The following CNNM2 variants were observed in gnomAD, a reference collection of about 807,000 sequenced individuals.
CNNM2 encodes the protein cyclin and CBS domain divalent metal cation transport mediator 2, also known as metal transporter CNNM2.
A neutral mutation model predicts 66.9 loss-of-function variants in CNNM2; 12 were observed. The observed-to-expected ratio is 0.18, with a 90% CI of 0.11 to 0.29. The LOEUF (loss-of-function observed/expected upper bound fraction) is 0.29, where lower values mean the gene tolerates loss of function less well. Ranked by LOEUF, CNNM2 falls within the 10% of genes least tolerant of loss-of-function variation. The pLI is 1.00. For missense variants in CNNM2, 705 were observed against 1,167.7 expected (o/e 0.60, Z 5.77); for synonymous variants, 557 against 501.8 (o/e 1.11, Z -1.47).
intron 1 of CNNM2, among the ~76,000 whole-genome samples, chr10:102,984,369 A>C (rs901443058): frequency 1.3e-5 from 2 of 152,336 alleles, no homozygotes; most frequent in African/African-American, 2.4e-5. Flanking sequence ...AAATTGGCCA[A>C]TTAAAGCTGG....
chr10:102,960,251 G>A (rs2063359743), intron 1 of CNNM2, among the ~76,000 whole-genome samples: 1 of 152,112 alleles, frequency 6.6e-6, no homozygotes, highest in Non-Finnish European at 1.5e-5. Flanking sequence ...CTTGGTGGAT[G>A]CTTTGAATAC....
At chr10:103,003,032 T>G (rs2064152143) in intron 1 of CNNM2, among the ~76,000 whole-genome samples, 1 of 151,708 alleles carries the variant, frequency 6.6e-6, no homozygotes, top group East Asian at 1.9e-4. Context: ...AATGGGTAAA[T>G]AAATGTGGTG....
At chr10:103,033,792 A>G (rs955213987) in intron 1 of CNNM2, among the ~76,000 whole-genome samples, 7 of 152,248 alleles carry the variant, frequency 4.6e-5, no homozygotes, top group South Asian at 2.1e-4. Context: ...GCCCTTCTAC[A>G]CATTTTTAAG....
chr10:102,942,868 G>T (rs1846477617), intron 1 of CNNM2, among the ~76,000 whole-genome samples: 1 of 152,154 alleles, frequency 6.6e-6, no homozygotes, highest in African/African-American at 2.4e-5. Context: ...ACATGGGGGA[G>T]ATTATTATTT....
chr10:102,927,485 C>A, intron 1 of CNNM2: 1 of 1,581,780 alleles, frequency 6.3e-7, no homozygotes, highest in Non-Finnish European at 8.6e-7. Context: ...GTTGGCTGGG[C>A]GTGGTGGCTC....
At chr10:103,065,646 A>ATCCGTT (rs1280961981) in intron 4 of CNNM2, among the ~76,000 whole-genome samples, 3 of 152,176 alleles carry the variant, frequency 2.0e-5, no homozygotes, top group Non-Finnish European at 4.4e-5. Context: ...AACTGGAGAC[A>ATCCGTT]CCCAGGAACG....
In CNNM2 at chr10:103,014,892, TA is replaced by T. The variant is rs111226535; in HGVS notation, c.1622-34801del. ...GGGTGGCAGAGCACTACCCTGTCTTTAAAAAAAAAAAAAATTATAAACTTGA... is the reference window on the plus strand; with the variant it reads ...GGGTGGCAGAGCACTACCCTGTCTTTAAAAAAAAAAAAATTATAAACTTGA... On this transcript the variant is annotated intron_variant, in intron 1 of 7. Transcript: ENST00000369878. Among the ~76,000 whole-genome samples the T allele has an allele frequency of 0.12, 16,779 of 145,256 alleles. 928 individuals are homozygous for T. Among genetic ancestry groups the T allele is most frequent in the Middle Eastern group, 0.17 (48 of 278 alleles).
intron 1 of CNNM2, among the ~76,000 whole-genome samples, chr10:103,048,185 G>A (rs982073441): frequency 6.7e-6 from 1 of 149,124 alleles, no homozygotes; most frequent in Non-Finnish European, 1.5e-5. Flanking sequence ...AAAGGGCTGG[G>A]ATTACAAATG....
chr10:102,944,301 A>C (rs939662547), intron 1 of CNNM2, among the ~76,000 whole-genome samples: 1 of 151,684 alleles, frequency 6.6e-6, no homozygotes, highest in Middle Eastern at 3.4e-3. Context: ...CTGGCCTCGA[A>C]CTCCTGAATT....
chr10:103,002,332 AG>A (rs377083008), intron 1 of CNNM2, among the ~76,000 whole-genome samples: 14 of 152,344 alleles, frequency 9.2e-5, no homozygotes, highest in African/African-American at 3.1e-4. Flanking sequence ...TTCTCTAACA[AG>A]GATGTACAAA....
chr10:103,049,314 G>A (rs1274468149), intron 1 of CNNM2, among the ~76,000 whole-genome samples: 3 of 152,200 alleles, frequency 2.0e-5, no homozygotes, highest in African/African-American at 7.2e-5. Context: ...TAGCATCTTA[G>A]TATTCTTATG....
rs1845570394 is a variant in CNNM2, at chr10:102,920,207, G to A, written c.1621+106G>A. ...CAACCCCCCAAGGCGAGTTGACCGG[G>A]ATTTCTCCTTCTCCCTCTTAATTGC... is the stretch of plus-strand genomic sequence containing the variant. On this transcript the variant is annotated intron_variant, in intron 1 of 7. Transcript: ENST00000369878. 9 of 1,606,386 alleles carry A rather than the reference G, an allele frequency of 5.6e-6. No individual in the cohort carries two copies. In the Admixed American group the frequency reaches 1.0e-4, roughly 18 times the overall value.
intron 1 of CNNM2, among the ~76,000 whole-genome samples, chr10:102,992,986 CT>C (rs1447997534): frequency 6.6e-6 from 1 of 152,050 alleles, no homozygotes; most frequent in Non-Finnish European, 1.5e-5. Flanking sequence ...AGCACCATCA[CT>C]TTTTTCAAAA....
rs773618129 is a variant in CNNM2, at chr10:103,076,147, C to A, written c.2295C>A (p.Ser765Arg). ...GLNHSDSLSR[S>R]DRIDAVTPTL... ...ATCACTCAGACTCTCTCAGTCGAAG[C>A]GACCGGATTGACGCCGTCACACCAA... Residue 765 changes from serine to arginine, a missense_variant, in exon 7 of 8, where the codon AGC becomes AGA. This residue lies in a region of CNNM2 where 194 missense variants were observed against 227.6 expected (regional missense o/e 0.85). Coordinates refer to ENST00000369878, the MANE Select transcript of CNNM2 (RefSeq NM_017649.5). 2.5e-6 allele frequency: 4 copies of A among 1,610,046 alleles called. No homozygotes were observed. Among genetic ancestry groups the A allele is most frequent in the Non-Finnish European group, 3.4e-6 (4 of 1,178,356 alleles).
At chr10:102,975,478 A>AAAC (rs1554894116) in intron 1 of CNNM2, among the ~76,000 whole-genome samples, 1 of 148,564 alleles carries the variant, frequency 6.7e-6, no homozygotes, top group African/African-American at 2.4e-5. Flanking sequence ...AGAAAAAAAA[A>AAAC]AAAAAAAAAA....
chr10:102,950,505 A>C (rs1322351196), intron 1 of CNNM2, among the ~76,000 whole-genome samples: 2 of 152,108 alleles, frequency 1.3e-5, no homozygotes, highest in African/African-American at 4.8e-5. Flanking sequence ...TCACATCTGT[A>C]ATCTTAGCAC....
chr10:103,026,418 G>A, intron 1 of CNNM2, among the ~76,000 whole-genome samples: 1 of 151,842 alleles, frequency 6.6e-6, no homozygotes, highest in South Asian at 2.1e-4. Flanking sequence ...TGGGAAACAC[G>A]GCAAAACTGT....
intron 1 of CNNM2, among the ~76,000 whole-genome samples, chr10:103,041,708 A>G (rs938089177): frequency 4.6e-5 from 7 of 152,148 alleles, no homozygotes; most frequent in Admixed American, 4.6e-4. Context: ...GCTGCATTTG[A>G]TACTTTTGAC....
intron 1 of CNNM2, among the ~76,000 whole-genome samples, chr10:103,005,621 C>A (rs1296145499): frequency 6.6e-6 from 1 of 152,150 alleles, no homozygotes; most frequent in Non-Finnish European, 1.5e-5. Context: ...TGCACTCCAA[C>A]CTGGGCAACA....
Sources: allele counts gnomAD v4.1 joint callset (sites outside exome capture counted in the v4.1 genomes callset), GRCh38; gene constraint gnomAD v4.1.1; regional missense constraint gnomAD v4.1.1; transcripts MANE v1.5; gene names NCBI Gene and HGNC (gene_info 2026-07-23, HGNC 2026-07-21).